Variants in NINL observed in about 807,000 individuals in gnomAD.
NINL encodes the protein ninein-like protein.
In NINL, 153 loss-of-function variants were observed where a neutral mutation model predicts 160.3. The observed-to-expected ratio is 0.95, with a 90% CI of 0.84 to 1.09. The LOEUF (loss-of-function observed/expected upper bound fraction) is 1.09. Among genes scored for constraint, NINL ranks in the 50% least tolerant of loss-of-function variants. The probability of loss-of-function intolerance (pLI) is 0.00; values close to 1 mark genes in which losing one functional copy is unlikely to be tolerated. For missense variants in NINL, 1,829 were observed against 1,764.0 expected, an observed-to-expected ratio of 1.04 and a Z score of -0.66; for synonymous variants, 800 against 734.8, an observed-to-expected ratio of 1.09 and a Z score of -1.43.
intron 5 of NINL, among the ~76,000 whole-genome samples, chr20:25,508,916 C>T (rs768121267): frequency 6.6e-6 from 1 of 152,230 alleles, no homozygotes; most frequent in Non-Finnish European, 1.5e-5. Flanking sequence ...GCACATGACA[C>T]CCCCCTGTTC....
chr20:25,577,020 G>C (rs1228392899), intron 1 of NINL, among the ~76,000 whole-genome samples: 1 of 152,186 alleles, frequency 6.6e-6, no homozygotes. Flanking sequence ...ACAGTTTCCT[G>C]AGGAACCGTA....
At chr20:25,566,623 C>T (rs1475920124) in intron 1 of NINL, among the ~76,000 whole-genome samples, 8 of 152,088 alleles carry the variant, frequency 5.3e-5, no homozygotes, top group Non-Finnish European at 1.2e-4. Flanking sequence ...GAAGAAAATG[C>T]TAGAGATCAA....
chr20:25,566,528 T>G (rs1287956534), intron 1 of NINL, among the ~76,000 whole-genome samples: 1 of 152,078 alleles, frequency 6.6e-6, no homozygotes, highest in East Asian at 1.9e-4. Flanking sequence ...GATTAACATG[T>G]GAGGGGCTGT....
chr20:25,481,122 A>G (rs1745848446), intron 14 of NINL, among the ~76,000 whole-genome samples: 1 of 151,828 alleles, frequency 6.6e-6, no homozygotes, highest in Non-Finnish European at 1.5e-5. Flanking sequence ...TTTTTATTTC[A>G]TTGAGTAAAC....
intron 19 of NINL, among the ~76,000 whole-genome samples, chr20:25,463,414 G>A (rs2062838213): frequency 6.6e-6 from 1 of 152,130 alleles, no homozygotes; most frequent in African/African-American, 2.4e-5. Flanking sequence ...GTAGCTCTTG[G>A]CAGGGTACAT....
At chr20:25,580,164 C>T (rs1012404309) in intron 1 of NINL, among the ~76,000 whole-genome samples, 1 of 152,100 alleles carries the variant, frequency 6.6e-6, no homozygotes, top group Non-Finnish European at 1.5e-5. Flanking sequence ...GAAACCCCGT[C>T]TCTACTAAAA....
At chr20:25,584,468 G>GCAA (rs896775725) in intron 1 of NINL, among the ~76,000 whole-genome samples, 63 of 151,998 alleles carry the variant, frequency 4.1e-4, no homozygotes, top group Admixed American at 3.9e-3. Context: ...TTCAAAAACA[G>GCAA]CAACAACAAC....
chr20:25,549,320 C>T (rs2064778971), intron 1 of NINL, among the ~76,000 whole-genome samples: 1 of 151,666 alleles, frequency 6.6e-6, no homozygotes, highest in African/African-American at 2.4e-5. Flanking sequence ...CCCCAGCACA[C>T]ATGGCCACAG....
chr20:25,566,979 C>CA lies in NINL; in HGVS notation c.-12+18475dup, dbSNP rs35393155. Reference sequence around the variant, plus strand: ...GACCAGCCTGGGCAACACAGTGAGACAAAAAAAAATCTAAAAATTAGCCAG... The same window carrying CA: ...GACCAGCCTGGGCAACACAGTGAGACAAAAAAAAAATCTAAAAATTAGCCAG... On this transcript the variant is annotated intron_variant, in intron 1 of 23. Coordinates refer to ENST00000278886, the MANE Select transcript of NINL (RefSeq NM_025176.6). Among the ~76,000 whole-genome samples the CA allele has an allele frequency of 6.8e-3, 1,024 of 150,970 alleles. 17 individuals are homozygous for CA. Among genetic ancestry groups the CA allele is most frequent in the African/African-American group, 0.024 (976 of 41,084 alleles).
chr20:25,510,620 T>G, intron 5 of NINL, 54 bp downstream of exon 5: 4 of 1,523,920 alleles, frequency 2.6e-6, no homozygotes, highest in Non-Finnish European at 3.6e-6. Flanking sequence ...GCTGTTCAGC[T>G]TTCAAAGCTC....
At chr20:25,527,855 A>G (rs6050662) in intron 1 of NINL, among the ~76,000 whole-genome samples, 15 of 152,306 alleles carry the variant, frequency 9.8e-5, no homozygotes, top group African/African-American at 3.6e-4. Context: ...ATCTACTTAC[A>G]TGAAATTCCT....
chr20:25,508,735 C>T (rs2064009866), intron 5 of NINL, among the ~76,000 whole-genome samples: 1 of 152,264 alleles, frequency 6.6e-6, no homozygotes, highest in South Asian at 2.1e-4. Context: ...CCTCCCCAGT[C>T]ACCTGCATCC....
intron 13 of NINL, among the ~76,000 whole-genome samples, chr20:25,486,306 A>G (rs1444614828): frequency 6.6e-6 from 1 of 152,244 alleles, no homozygotes; most frequent in Non-Finnish European, 1.5e-5. Context: ...TTAAATATAA[A>G]ATATCTCTGC....
chr20:25,522,660 G>A (rs925517210), intron 2 of NINL, among the ~76,000 whole-genome samples: 1 of 152,172 alleles, frequency 6.6e-6, no homozygotes, highest in African/African-American at 2.4e-5. Flanking sequence ...AGATTCTTTT[G>A]TGTTGTTGGT....
intron 1 of NINL, among the ~76,000 whole-genome samples, chr20:25,536,822 G>A (rs1354931520): frequency 6.6e-6 from 1 of 152,096 alleles, no homozygotes; most frequent in Non-Finnish European, 1.5e-5. Context: ...TATTGGTTCT[G>A]CAGTGGACAA....
In NINL at chr20:25,489,324, G is replaced by C; in HGVS notation, c.1597C>G (p.Leu533Val). 1 of 1,613,546 alleles carries C rather than the reference G, an allele frequency of 6.2e-7. No homozygotes were observed. The highest frequency in any genetic ancestry group is 1.1e-5 in the South Asian group (1 of 91,092). The change falls in exon 13 of 24, where the codon CTG (leucine) becomes GTG (valine). Residue 533 changes from leucine to valine, a missense_variant and splice_region_variant. Physicochemically the swap from Leu to Val is conservative, Grantham distance 32. Transcript: ENST00000278886. ...AGGAGCTCTGCACTCTGTGGCTCCA[G>C]CTGAAAGGCAGACACAAAGGAAGTC... ...KDLEFVLKDK[L>V]EPQSAELLAQ...
Position 25,476,729 on chromosome 20 carries a change from C to T in NINL, c.2562G>A (p.Gly854=), listed in dbSNP as rs1222423418. 3.1e-6 allele frequency: 5 copies of T among 1,604,678 alleles called. No individual in the cohort carries two copies. In the African/African-American group the frequency reaches 6.7e-5, roughly 21 times the overall value. ...RGLLPLRPGC[G]ERPLAWLAPG... ...GGGCCAGCCAGGCCAGTGGCCGCTC[C>T]CCACAGCCCGGACGCAGTGGTAGGA... The change falls in exon 17 of 24, where the codon GGG becomes GGA. Residue 854 remains glycine, a synonymous_variant. Coordinates refer to ENST00000278886, the MANE Select transcript of NINL (RefSeq NM_025176.6).
Position 25,512,856 on chromosome 20 carries a change from G to A in NINL, c.428C>T (p.Ser143Leu). 1 of 1,613,744 alleles carries A rather than the reference G, an allele frequency of 6.2e-7. No individual in the cohort carries two copies. The highest frequency in any genetic ancestry group is 8.5e-7 in the Non-Finnish European group (1 of 1,179,782). The stretch of plus-strand genomic sequence containing the variant: ...CACCTCCACGCTCTCCAGAGACGCT[G>A]AGCGCCAGAGGTGACTTTTCAGGCT... ...QASLKSHLWR[S>L]ASLESVESPK... The change falls in exon 4 of 24, where the codon TCA (serine) becomes TTA (leucine). Residue 143 changes from serine (S) to leucine (L), a missense_variant. By Grantham distance (145) the Ser-to-Leu change is moderately radical. Transcript: ENST00000278886.
At chr20:25,539,009 G>C (rs767228693) in intron 1 of NINL, among the ~76,000 whole-genome samples, 1 of 152,166 alleles carries the variant, frequency 6.6e-6, no homozygotes, top group Non-Finnish European at 1.5e-5. Context: ...TGACATGAGT[G>C]CTGCCCTTTA....
Sources: gnomAD v4.1 joint callset for allele counts (sites outside exome capture counted in the v4.1 genomes callset) on GRCh38, gnomAD v4.1.1 for gene constraint, MANE v1.5 for transcripts, NCBI Gene and HGNC (gene_info 2026-07-23, HGNC 2026-07-21) for gene names.